MAGI2: variants seen among roughly 807,000 people sequenced by gnomAD.
MAGI2 encodes membrane associated guanylate kinase, WW and PDZ domain containing 2, also known as membrane-associated guanylate kinase, WW and PDZ domain-containing protein 2.
A neutral mutation model predicts 133.3 loss-of-function variants in MAGI2; 35 were observed. That is an observed-to-expected ratio of 0.26 (90% CI 0.20 to 0.35). The LOEUF (loss-of-function observed/expected upper bound fraction) is 0.35. Ranked by LOEUF, MAGI2 falls within the 10% of genes least tolerant of loss-of-function variation. The pLI, the probability that MAGI2 is intolerant of heterozygous loss-of-function variation, is 1.00. For synonymous variants in MAGI2, 729 were observed against 710.6 expected (o/e 1.03, Z -0.41); for missense variants, 1,636 against 1,863.4 (o/e 0.88, Z 2.25).
intron 9 of MAGI2, among the ~76,000 whole-genome samples, chr7:78,301,821 A>T (rs1797856377): frequency 6.6e-6 from 1 of 152,228 alleles, no homozygotes; most frequent in East Asian, 1.9e-4. Flanking sequence ...CAGGGGTTCC[A>T]GAGCCAGACT....
chr7:78,692,012 G>T (rs754396389), intron 2 of MAGI2, among the ~76,000 whole-genome samples: 7 of 152,140 alleles, frequency 4.6e-5, no homozygotes, highest in Non-Finnish European at 1.0e-4. Context: ...GCAGGGGAAA[G>T]TCTCTGTACC....
At chr7:78,703,308 C>A (rs1280941235) in intron 2 of MAGI2, among the ~76,000 whole-genome samples, 1 of 151,932 alleles carries the variant, frequency 6.6e-6, no homozygotes, top group Non-Finnish European at 1.5e-5. Context: ...AAGTGCATAA[C>A]CCCCTGGCTG....
intron 2 of MAGI2, among the ~76,000 whole-genome samples, chr7:78,988,492 C>A (rs1414192357): frequency 6.6e-6 from 1 of 152,034 alleles, no homozygotes; most frequent in Non-Finnish European, 1.5e-5. Context: ...TCATTTTAAA[C>A]AAAAGCAGAA....
intron 2 of MAGI2, among the ~76,000 whole-genome samples, chr7:78,733,955 A>T (rs1309231664): frequency 1.3e-5 from 2 of 152,226 alleles, no homozygotes; most frequent in Admixed American, 1.3e-4. Flanking sequence ...ATAGCAAAGA[A>T]CAATAGTATT....
intron 2 of MAGI2, among the ~76,000 whole-genome samples, chr7:78,776,854 C>T (rs567539798): frequency 6.6e-6 from 1 of 152,088 alleles, no homozygotes; most frequent in South Asian, 2.1e-4. Context: ...GTTGTTGATC[C>T]TAACAGGTAA....
intron 1 of MAGI2, among the ~76,000 whole-genome samples, chr7:79,362,181 A>G (rs1001713910): frequency 6.6e-6 from 1 of 152,108 alleles, no homozygotes; most frequent in African/African-American, 2.4e-5. Flanking sequence ...ACTGACAAAA[A>G]TAATAGGCGA....
chr7:78,767,636 C>T (rs1262779942), intron 2 of MAGI2, among the ~76,000 whole-genome samples: 2 of 152,092 alleles, frequency 1.3e-5, no homozygotes, highest in Admixed American at 1.3e-4. Context: ...GAAAGCAGGC[C>T]ATTACTACTT....
At chr7:78,825,361 G>C (rs936188774) in intron 2 of MAGI2, among the ~76,000 whole-genome samples, 1 of 152,094 alleles carries the variant, frequency 6.6e-6, no homozygotes, top group Non-Finnish European at 1.5e-5. Context: ...AACTACCAAA[G>C]TTTATGCATT....
intron 2 of MAGI2, among the ~76,000 whole-genome samples, chr7:78,948,829 A>G (rs1281521299): frequency 6.6e-6 from 1 of 152,108 alleles, no homozygotes; most frequent in African/African-American, 2.4e-5. Context: ...TCACATTGAT[A>G]GTTTATTATA....
intron 3 of MAGI2, among the ~76,000 whole-genome samples, chr7:78,546,196 T>C (rs1798818470): frequency 6.6e-6 from 1 of 152,210 alleles, no homozygotes. Context: ...AATGCTATCT[T>C]GAACATTTAA....
rs1196801919 is a variant in MAGI2, at chr7:79,453,350, G to A, written c.-30C>T. On this transcript the variant is annotated 5_prime_UTR_variant, in exon 1 of 22. Coordinates refer to ENST00000354212, the MANE Select transcript of MAGI2 (RefSeq NM_012301.4). ...GTGGGGCGAGTCGCCTCAGTTCCTG[G>A]GCTCCTTGGGGTTAGGGGGGCTGGT... The A allele has an allele frequency of 4.4e-6, 7 of 1,574,424 alleles. No individual in the cohort carries two copies. Among genetic ancestry groups the A allele is most frequent in the Non-Finnish European group, 6.0e-6 (7 of 1,160,642 alleles).
intron 1 of MAGI2, among the ~76,000 whole-genome samples, chr7:79,344,970 A>G (rs1841200544): frequency 6.6e-6 from 1 of 152,060 alleles, no homozygotes; most frequent in Non-Finnish European, 1.5e-5. Context: ...TAACTATGAG[A>G]GACAAATGAT....
At chr7:79,401,149 A>G (rs993424365) in intron 1 of MAGI2, among the ~76,000 whole-genome samples, 8 of 152,206 alleles carry the variant, frequency 5.3e-5, no homozygotes, top group Non-Finnish European at 1.2e-4. Context: ...TTACAGTGCC[A>G]TAACAAATAC....
chr7:79,391,512 TATATATATATATATATATATATATAGAC>T (rs1385335911), intron 1 of MAGI2, among the ~76,000 whole-genome samples: 13 of 43,284 alleles, frequency 3.0e-4, no homozygotes, highest in African/African-American at 2.8e-3. Context: ...TATAGACATA[TATATATATATATATATATATATATAGAC>T]ATATATATAT....
chr7:78,398,282 T>C (rs1223124160), intron 6 of MAGI2, among the ~76,000 whole-genome samples: 2 of 152,226 alleles, frequency 1.3e-5, no homozygotes, highest in South Asian at 2.1e-4. Context: ...GATGGTGAAC[T>C]CATGCGGCTT....
At chr7:78,702,777 TGGTCAAC>T (rs1320929527) in intron 2 of MAGI2, among the ~76,000 whole-genome samples, 1 of 152,004 alleles carries the variant, frequency 6.6e-6, no homozygotes, top group Non-Finnish European at 1.5e-5. Flanking sequence ...TAGATAAAAC[TGGTCAAC>T]AAAGAGCTGA....
chr7:78,759,144 A>C (rs1300552643), intron 2 of MAGI2, among the ~76,000 whole-genome samples: 1 of 152,206 alleles, frequency 6.6e-6, no homozygotes, highest in Non-Finnish European at 1.5e-5. Context: ...ATACATTTTT[A>C]AAGCGATTAA....
At chr7:79,028,267 ATG>A (rs1554336341) in intron 1 of MAGI2, among the ~76,000 whole-genome samples, 8,825 of 29,886 alleles carry the variant, frequency 0.3, 416 homozygotes, top group Non-Finnish European at 0.39. Flanking sequence ...ATATATATAT[ATG>A]TATGTATGTA....
chr7:79,297,798 T>A (rs1407246639), intron 1 of MAGI2, among the ~76,000 whole-genome samples: 1 of 152,184 alleles, frequency 6.6e-6, no homozygotes, highest in Non-Finnish European at 1.5e-5. Context: ...TGAGGCAAAA[T>A]GAATGGCTGG....
Sources: allele counts gnomAD v4.1 joint callset (sites outside exome capture counted in the v4.1 genomes callset), GRCh38; gene constraint gnomAD v4.1.1; transcripts MANE v1.5; gene names NCBI Gene and HGNC (gene_info 2026-07-23, HGNC 2026-07-21).